The following CSMD1 variants were observed in gnomAD, a reference collection of about 807,000 sequenced individuals.
CSMD1 encodes CUB and Sushi multiple domains 1.
CSMD1 carries 213 observed loss-of-function variants against 417.5 expected under a neutral mutation model. The ratio of observed to expected loss-of-function variants is 0.51; its 90% confidence interval spans 0.46 to 0.57. The LOEUF (loss-of-function observed/expected upper bound fraction) is 0.57. CSMD1 is among the 20% of genes least tolerant of loss of function. The probability of loss-of-function intolerance (pLI) is 0.00; values close to 1 mark genes in which losing one functional copy is unlikely to be tolerated. For missense variants in CSMD1, 6,923 were observed against 4,529.7 expected (o/e 1.53, Z -15.17); for synonymous variants, 2,862 against 1,736.8 (o/e 1.65, Z -16.11).
chr8:4,002,745 G>C (rs557195691), intron 4 of CSMD1, among the ~76,000 whole-genome samples: 1 of 152,158 alleles, frequency 6.6e-6, no homozygotes, highest in Non-Finnish European at 1.5e-5. Context: ...AATGATGAGT[G>C]AAGAGACATT....
chr8:4,646,607 G>C lies in CSMD1; in HGVS notation c.86-9049C>G, dbSNP rs938815008. Among the ~76,000 whole-genome samples the C allele has an allele frequency of 2.0e-5, 3 of 152,178 alleles. No homozygotes were observed. The East Asian group carries it at 5.8e-4, about 29-fold the overall frequency. ...ACAAATTCTTTCTGTGTAGATATAT[G>C]AGTGCCATAGTTGTCTTTCCTCAAC... On this transcript the variant is annotated intron_variant, in intron 1 of 69. Transcript: ENST00000635120.
intron 12 of CSMD1, among the ~76,000 whole-genome samples, chr8:3,410,946 G>A (rs1812661945): frequency 6.6e-6 from 1 of 152,094 alleles, no homozygotes; most frequent in Admixed American, 6.6e-5. Context: ...AGGCAGTGAA[G>A]AAAATGCCCT....
At chr8:3,814,145 G>T (rs1229645209) in intron 5 of CSMD1, among the ~76,000 whole-genome samples, 1 of 152,216 alleles carries the variant, frequency 6.6e-6, no homozygotes, top group Non-Finnish European at 1.5e-5. Flanking sequence ...CTCAGCCCCA[G>T]ATTCTGGTAC....
intron 6 of CSMD1, among the ~76,000 whole-genome samples, chr8:3,742,668 C>T (rs1796871304): frequency 6.6e-6 from 1 of 152,014 alleles, no homozygotes; most frequent in Non-Finnish European, 1.5e-5. Context: ...CATACACCTA[C>T]ACTCAGAGTC....
intron 4 of CSMD1, among the ~76,000 whole-genome samples, chr8:4,019,444 ACATTCCCT>A (rs58003550): frequency 0.61 from 93,114 of 151,702 alleles, 28,720 homozygotes; most frequent in South Asian, 0.69. Flanking sequence ...AAGGAAGGGA[ACATTCCCT>A]TATTAGGGCC....
intron 3 of CSMD1, among the ~76,000 whole-genome samples, chr8:4,329,333 G>T (rs980246038): frequency 7.2e-5 from 11 of 152,012 alleles, no homozygotes; most frequent in African/African-American, 2.7e-4. Context: ...ATCTCACCCA[G>T]GCTGGAGTGC....
chr8:4,026,454 C>G (rs1035082790), intron 4 of CSMD1, among the ~76,000 whole-genome samples: 1 of 152,140 alleles, frequency 6.6e-6, no homozygotes, highest in Non-Finnish European at 1.5e-5. Context: ...ACTTTGACTA[C>G]AGATACGATT....
intron 3 of CSMD1, among the ~76,000 whole-genome samples, chr8:4,229,614 G>A (rs1341645250): frequency 2.6e-5 from 4 of 152,012 alleles, no homozygotes; most frequent in African/African-American, 4.8e-5. Context: ...TTCCCCAGAT[G>A]CCCTCATAGT....
intron 5 of CSMD1, among the ~76,000 whole-genome samples, chr8:3,854,782 G>A (rs1048343244): frequency 1.3e-5 from 2 of 151,896 alleles, no homozygotes; most frequent in South Asian, 2.1e-4. Context: ...AAGAAGTGGT[G>A]ATCAAAATTC....
intron 39 of CSMD1, among the ~76,000 whole-genome samples, chr8:3,154,154 G>A (rs1393040841): frequency 6.6e-6 from 1 of 152,164 alleles, no homozygotes; most frequent in Admixed American, 6.5e-5. Flanking sequence ...TGTATTTTTA[G>A]TAGAGATGGG....
At chr8:3,384,521 G>A (rs1585085039) in intron 18 of CSMD1, among the ~76,000 whole-genome samples, 1 of 150,648 alleles carries the variant, frequency 6.6e-6, no homozygotes, top group East Asian at 1.9e-4. Context: ...TTTTTCATAT[G>A]CTCTGATACA....
intron 11 of CSMD1, among the ~76,000 whole-genome samples, chr8:3,473,149 T>G (rs1817204289): frequency 1.3e-5 from 2 of 152,206 alleles, no homozygotes; most frequent in South Asian, 2.1e-4. Context: ...GACATACCTC[T>G]CAGTCGATAT....
chr8:2,970,339 G>C (rs183506135), intron 57 of CSMD1, among the ~76,000 whole-genome samples: 1 of 152,278 alleles, frequency 6.6e-6, no homozygotes, highest in East Asian at 1.9e-4. Flanking sequence ...TGAATGTACA[G>C]TCTCAAGTGA....
intron 5 of CSMD1, among the ~76,000 whole-genome samples, chr8:3,988,614 G>C (rs761632420): frequency 6.6e-6 from 1 of 152,200 alleles, no homozygotes; most frequent in Non-Finnish European, 1.5e-5. Context: ...ATGACAGCTG[G>C]AGAGGAACGT....
intron 5 of CSMD1, among the ~76,000 whole-genome samples, chr8:3,760,961 CT>C (rs386411910): frequency 1.1e-4 from 16 of 150,540 alleles, no homozygotes; most frequent in East Asian, 2.0e-4. Flanking sequence ...TGTGCTTTTT[CT>C]TTTTTTTTTG....
At chr8:4,591,271 T>G (rs1177270033) in intron 2 of CSMD1, among the ~76,000 whole-genome samples, 1 of 152,216 alleles carries the variant, frequency 6.6e-6, no homozygotes, top group Non-Finnish European at 1.5e-5. Flanking sequence ...AAGAGCCAAA[T>G]GTGAAGTACG....
chr8:4,938,269 T>C (rs539546448), intron 1 of CSMD1, among the ~76,000 whole-genome samples: 9 of 152,290 alleles, frequency 5.9e-5, no homozygotes, highest in African/African-American at 2.2e-4. Context: ...CAAAACTCTA[T>C]TTGTTGGACT....
At chr8:4,467,657 T>C (rs942448153) in intron 2 of CSMD1, among the ~76,000 whole-genome samples, 2 of 152,234 alleles carry the variant, frequency 1.3e-5, no homozygotes, top group African/African-American at 2.4e-5. Flanking sequence ...ACCTTTCTTG[T>C]CCACATGAAC....
intron 6 of CSMD1, among the ~76,000 whole-genome samples, chr8:3,718,544 T>C (rs895176754): frequency 1.5e-4 from 23 of 152,208 alleles, no homozygotes; most frequent in African/African-American, 5.3e-4. Flanking sequence ...GTTATCAGAA[T>C]CTTTTAATTT....
Sources: gnomAD v4.1 joint callset for allele counts (sites outside exome capture counted in the v4.1 genomes callset) on GRCh38, gnomAD v4.1.1 for gene constraint, MANE v1.5 for transcripts, NCBI Gene and HGNC (gene_info 2026-07-23, HGNC 2026-07-21) for gene names.